The following CSMD3 variants were observed in gnomAD, a reference collection of about 807,000 sequenced individuals.
The protein encoded by CSMD3 is CUB and sushi domain-containing protein 3.
A neutral mutation model predicts 435.2 loss-of-function variants in CSMD3; 177 were observed. That is an observed-to-expected ratio of 0.41 (90% confidence interval 0.36 to 0.46). The LOEUF is 0.46. CSMD3 is among the 20% of genes least tolerant of loss of function. The pLI is 0.34. For missense variants in CSMD3, 4,265 were observed against 4,504.6 expected, an observed-to-expected ratio of 0.95 and a Z score of 1.52; for synonymous variants, 1,656 against 1,520.5, an observed-to-expected ratio of 1.09 and a Z score of -2.07.
intron 5 of CSMD3, among the ~76,000 whole-genome samples, chr8:113,056,919 T>G (rs1316425610): frequency 6.6e-6 from 1 of 152,202 alleles, no homozygotes; most frequent in Non-Finnish European, 1.5e-5. Context: ...GGTCTTCGTT[T>G]ACTCTCTTAT....
chr8:113,222,810 A>T (rs1212119828), intron 3 of CSMD3, among the ~76,000 whole-genome samples: 1 of 151,096 alleles, frequency 6.6e-6, no homozygotes, highest in African/African-American at 2.4e-5. Context: ...ATGGCTTTAT[A>T]GACAATTTGA....
chr8:112,730,705 G>A (rs1402606353), intron 13 of CSMD3, among the ~76,000 whole-genome samples: 1 of 152,028 alleles, frequency 6.6e-6, no homozygotes, highest in African/African-American at 2.4e-5. Context: ...ACCTGACTGT[G>A]TACCTGCTTA....
At chr8:113,036,293 T>A (rs923210001) in intron 5 of CSMD3, among the ~76,000 whole-genome samples, 4 of 152,036 alleles carry the variant, frequency 2.6e-5, no homozygotes, top group Non-Finnish European at 4.4e-5. Context: ...GTGTAATGCC[T>A]AACTTTTCCA....
chr8:112,225,366 C>G (rs1812469733), intron 70 of CSMD3, among the ~76,000 whole-genome samples: 1 of 151,756 alleles, frequency 6.6e-6, no homozygotes, highest in Non-Finnish European at 1.5e-5. Context: ...TAAAAAAAGA[C>G]TAGTCTTTAC....
intron 3 of CSMD3, among the ~76,000 whole-genome samples, chr8:113,270,208 A>T (rs1016675393): frequency 6.6e-6 from 1 of 151,946 alleles, no homozygotes; most frequent in African/African-American, 2.4e-5. Context: ...CACATGAAAA[A>T]ATGCTCATCA....
chr8:112,930,441 G>A (rs1445865985), intron 9 of CSMD3, among the ~76,000 whole-genome samples: 1 of 152,046 alleles, frequency 6.6e-6, no homozygotes, highest in Non-Finnish European at 1.5e-5. Flanking sequence ...AGCTGTCAGA[G>A]AGAAATAAAC....
rs1038862016 is a variant in CSMD3, at chr8:113,278,831, C to T, written c.402-127G>A. The T allele has an allele frequency of 6.4e-6, 4 of 626,878 alleles. No individual in the cohort carries two copies. The South Asian group carries it at 6.5e-5, about 10-fold the overall frequency. The allele number at this position is 626,878 out of a possible 1,614,324, so 38.8% of individuals were successfully genotyped here. Reference sequence around the variant, plus strand: ...TCTCCTATAATTTCCAGAAGGAATGCTATCCAGCCAACACCTTGATTTCAG... The same window carrying T: ...TCTCCTATAATTTCCAGAAGGAATGTTATCCAGCCAACACCTTGATTTCAG... On this transcript the variant is annotated intron_variant, in intron 2 of 70. Transcript: ENST00000297405.
At chr8:113,435,697 C>A (rs2094701862) in intron 1 of CSMD3, among the ~76,000 whole-genome samples, 1 of 151,984 alleles carries the variant, frequency 6.6e-6, no homozygotes, top group Non-Finnish European at 1.5e-5. Flanking sequence ...ATTCGAGCTG[C>A]CATGAGTATG....
At chr8:112,564,386 C>CT (rs1419304337) in intron 24 of CSMD3, among the ~76,000 whole-genome samples, 4 of 150,752 alleles carry the variant, frequency 2.7e-5, no homozygotes, top group African/African-American at 9.8e-5. Context: ...CTCCCCTTCC[C>CT]TCTCTTCTCC....
intron 4 of CSMD3, among the ~76,000 whole-genome samples, chr8:113,129,716 T>C (rs1486413590): frequency 6.6e-6 from 1 of 152,060 alleles, no homozygotes; most frequent in East Asian, 1.9e-4. Flanking sequence ...TAGAGAAGTA[T>C]ACACACACGT....
intron 5 of CSMD3, among the ~76,000 whole-genome samples, chr8:113,092,620 C>T (rs1312207809): frequency 6.6e-6 from 1 of 152,090 alleles, no homozygotes; most frequent in Non-Finnish European, 1.5e-5. Context: ...TAAGAGGTAG[C>T]TGATGACTGC....
intron 3 of CSMD3, among the ~76,000 whole-genome samples, chr8:113,176,692 A>C (rs2092351307): frequency 6.6e-6 from 1 of 151,920 alleles, no homozygotes; most frequent in Non-Finnish European, 1.5e-5. Context: ...CTCAATTATA[A>C]GTGGGAGCTG....
chr8:112,637,938 T>C (rs1018365578), intron 21 of CSMD3, among the ~76,000 whole-genome samples: 2 of 151,932 alleles, frequency 1.3e-5, no homozygotes, highest in African/African-American at 2.4e-5. Flanking sequence ...TGTTAGCAAG[T>C]TGGCATAAGA....
chr8:112,705,668 TAAAA>T (rs2076484675), intron 13 of CSMD3, among the ~76,000 whole-genome samples: 1 of 151,990 alleles, frequency 6.6e-6, no homozygotes, highest in South Asian at 2.1e-4. Flanking sequence ...TCTCTGCCCT[TAAAA>T]AGGATACAGT....
At chr8:113,352,221 C>T (rs2094194729) in intron 1 of CSMD3, among the ~76,000 whole-genome samples, 1 of 152,094 alleles carries the variant, frequency 6.6e-6, no homozygotes, top group Non-Finnish European at 1.5e-5. Flanking sequence ...AATAGACCAT[C>T]CTGCATTGGG....
chr8:112,985,856 C>A (rs1198577161), intron 6 of CSMD3, among the ~76,000 whole-genome samples: 1 of 152,130 alleles, frequency 6.6e-6, no homozygotes, highest in Non-Finnish European at 1.5e-5. Flanking sequence ...GGTCAGGGAT[C>A]CCACTGCTTC....
chr8:112,303,644 A>G (rs1410750266), intron 52 of CSMD3, among the ~76,000 whole-genome samples: 1 of 152,150 alleles, frequency 6.6e-6, no homozygotes, highest in Non-Finnish European at 1.5e-5. Flanking sequence ...TTAGAAATAT[A>G]TTTTTAATAC....
At chr8:112,445,894 CA>C (rs747760431) in intron 32 of CSMD3, among the ~76,000 whole-genome samples, 3 of 152,030 alleles carry the variant, frequency 2.0e-5, no homozygotes, top group Non-Finnish European at 2.9e-5. Flanking sequence ...CTTAAAGAAT[CA>C]AAATTTTAAA....
chr8:113,094,059 A>G (rs918077033), intron 5 of CSMD3, among the ~76,000 whole-genome samples: 3 of 152,126 alleles, frequency 2.0e-5, no homozygotes, highest in South Asian at 2.1e-4. Flanking sequence ...TCTGCAACCT[A>G]CATCTTACCA....
Sources: allele counts gnomAD v4.1 joint callset (sites outside exome capture counted in the v4.1 genomes callset), GRCh38; gene constraint gnomAD v4.1.1; transcripts MANE v1.5; gene names NCBI Gene and HGNC (gene_info 2026-07-23, HGNC 2026-07-21).